LAMA2: variants seen among roughly 807,000 people sequenced by gnomAD.
LAMA2 encodes laminin subunit alpha-2.
In LAMA2, 269 loss-of-function variants were observed where a neutral mutation model predicts 364.8. The ratio of observed to expected loss-of-function variants is 0.74; its 90% CI spans 0.67 to 0.82. The LOEUF (loss-of-function observed/expected upper bound fraction) is 0.82, where lower values mean the gene tolerates loss of function less well. Among genes scored for constraint, LAMA2 ranks in the 40% least tolerant of loss-of-function variants. The probability of loss-of-function intolerance (pLI) is 0.00; values close to 1 mark genes in which losing one functional copy is unlikely to be tolerated. For missense variants in LAMA2, 3,807 were observed against 3,873.2 expected, an observed-to-expected ratio of 0.98 and a Z score of 0.45; for synonymous variants, 1,379 against 1,370.6, an observed-to-expected ratio of 1.01 and a Z score of -0.14.
chr6:129,405,288 TC>T (rs1554290635), intron 40 of LAMA2, among the ~76,000 whole-genome samples: 2 of 152,146 alleles, frequency 1.3e-5, no homozygotes, highest in Non-Finnish European at 1.5e-5. Flanking sequence ...CTGTTCATAA[TC>T]TTTTATACCA....
chr6:129,308,803 C>T (rs1774035692), intron 22 of LAMA2, among the ~76,000 whole-genome samples: 2 of 152,136 alleles, frequency 1.3e-5, no homozygotes, highest in South Asian at 4.1e-4. Flanking sequence ...AGGAAGCTTC[C>T]AGTCATGATG....
At chr6:128,974,811 T>C (rs1344265580) in intron 1 of LAMA2, among the ~76,000 whole-genome samples, 1 of 152,134 alleles carries the variant, frequency 6.6e-6, no homozygotes, top group Non-Finnish European at 1.5e-5. Context: ...ACCAATAAAA[T>C]AGACTTTGTG....
intron 1 of LAMA2, among the ~76,000 whole-genome samples, chr6:129,034,729 A>G (rs999378873): frequency 4.4e-4 from 67 of 151,952 alleles, no homozygotes; most frequent in African/African-American, 1.6e-3. Flanking sequence ...GTCATATTCA[A>G]TTTTCTGCTT....
chr6:129,507,304 G>A (rs1786169140), intron 61 of LAMA2, among the ~76,000 whole-genome samples, 185 bp from the exon 62 acceptor site: 2 of 152,140 alleles, frequency 1.3e-5, no homozygotes, highest in Non-Finnish European at 1.5e-5. Flanking sequence ...GCACAACACA[G>A]GATTTTCTGC....
intron 54 of LAMA2, chr6:129,479,964 C>CCTAA (rs747619876): frequency 5.9e-5 from 9 of 152,146 alleles, no homozygotes; most frequent in South Asian, 2.1e-4. Context: ...ATCTTCAAAG[C>CCTAA]CTAACTCTCA....
At chr6:129,382,188 A>T (rs1370085377) in intron 34 of LAMA2, among the ~76,000 whole-genome samples, 2 of 152,216 alleles carry the variant, frequency 1.3e-5, no homozygotes, top group Admixed American at 6.5e-5. Flanking sequence ...CTAATTCATT[A>T]TCTGTAGTTA....
chr6:129,137,964 T>C (rs936295063), intron 4 of LAMA2, among the ~76,000 whole-genome samples: 5 of 151,980 alleles, frequency 3.3e-5, no homozygotes, highest in South Asian at 2.1e-4. Flanking sequence ...AGACAGTCCA[T>C]GGAGGTATTT....
rs751547531 is a variant in LAMA2 at position 128,883,347 on chromosome 6, T to A, written c.102T>A (p.His34Gln). The A allele has an allele frequency of 2.5e-6, 4 of 1,597,560 alleles. No homozygotes were observed. Among genetic ancestry groups the A allele is most frequent in the Admixed American group, 1.7e-5 (1 of 58,090 alleles). The change falls in exon 1 of 65, where the codon CAT becomes CAA. Residue 34 changes from histidine to glutamine, a missense_variant. This residue lies in a region of LAMA2 where 394 missense variants were observed against 403.5 expected (regional missense o/e 0.98). Coordinates refer to ENST00000421865, the MANE Select transcript of LAMA2 (RefSeq NM_000426.4). The part of the protein sequence containing the change: ...RPQQQRQSQA[H>Q]QQRGLFPAVL... Reference sequence around the variant, plus strand: ...AGCAGCAGCGGCAGTCACAGGCACATCAGCAAAGAGGTACAGTCGAGGCAT... The same window carrying A: ...AGCAGCAGCGGCAGTCACAGGCACAACAGCAAAGAGGTACAGTCGAGGCAT...
chr6:129,289,392 G>A (rs544374616), intron 19 of LAMA2, among the ~76,000 whole-genome samples: 2 of 152,134 alleles, frequency 1.3e-5, no homozygotes, highest in Non-Finnish European at 2.9e-5. Context: ...TTTTCTGTGG[G>A]GACTAAAGGA....
At chr6:129,221,781 ACATAAAAGTGTT>A (rs1187394858) in intron 12 of LAMA2, among the ~76,000 whole-genome samples, 17 of 152,214 alleles carry the variant, frequency 1.1e-4, no homozygotes, top group Admixed American at 2.0e-4. Context: ...CCAGATAAAC[ACATAAAAGTGTT>A]CATAAAAGTA....
At chr6:129,239,776 A>G (rs1257156352) in intron 12 of LAMA2, among the ~76,000 whole-genome samples, 1 of 152,118 alleles carries the variant, frequency 6.6e-6, no homozygotes, top group Non-Finnish European at 1.5e-5. Context: ...TCAGCCTCCC[A>G]AGTAGCTGGA....
chr6:129,335,208 G>A (rs915268700), intron 29 of LAMA2, among the ~76,000 whole-genome samples: 2 of 152,004 alleles, frequency 1.3e-5, no homozygotes, highest in South Asian at 2.1e-4. Context: ...CTGTACATAG[G>A]CATGTTATTA....
At chr6:129,055,863 G>A (rs903243877) in intron 2 of LAMA2, among the ~76,000 whole-genome samples, 1 of 152,196 alleles carries the variant, frequency 6.6e-6, no homozygotes, top group African/African-American at 2.4e-5. Flanking sequence ...TGTTGAGGAT[G>A]TTATACGTTT....
intron 1 of LAMA2, among the ~76,000 whole-genome samples, chr6:129,006,747 A>G (rs1784461112): frequency 6.6e-6 from 1 of 152,054 alleles, no homozygotes; most frequent in Non-Finnish European, 1.5e-5. Context: ...TCGTACTGAA[A>G]CTTGTAATCA....
intron 38 of LAMA2, among the ~76,000 whole-genome samples, chr6:129,401,861 T>C (rs1004402621): frequency 2.0e-5 from 3 of 152,180 alleles, no homozygotes; most frequent in Admixed American, 1.3e-4. Flanking sequence ...AAATAATGAC[T>C]TTAATTCTCT....
chr6:129,370,153 TAGAAA>T (rs1777992519), intron 34 of LAMA2, among the ~76,000 whole-genome samples, 163 bp downstream of exon 34: 1 of 152,214 alleles, frequency 6.6e-6, no homozygotes, highest in Non-Finnish European at 1.5e-5. Flanking sequence ...AATCAAATCA[TAGAAA>T]TCAGTAGCAC....
intron 12 of LAMA2, among the ~76,000 whole-genome samples, chr6:129,245,795 GAA>G (rs1189109959): frequency 3.3e-5 from 5 of 152,034 alleles, no homozygotes; most frequent in African/African-American, 1.2e-4. Flanking sequence ...AACAAACAAA[GAA>G]AATAAGTGTT....
chr6:129,165,639 G>A lies in LAMA2; in HGVS notation c.1270G>A (p.Glu424Lys), dbSNP rs763889172. Residue 424 changes from glutamate (E) to lysine (K), a missense_variant, in exon 9 of 65, where the codon GAA (glutamate) becomes AAA (lysine). By Grantham distance (56) the Glu-to-Lys change is moderately conservative (BLOSUM62 1). Transcript: ENST00000421865. ...TTGCGATCCAATTGGTTCCTTAAATGAAGTCTGTGTCAAGGATGAGAAACA... is the reference window on the plus strand; with the variant it reads ...TTGCGATCCAATTGGTTCCTTAAATAAAGTCTGTGTCAAGGATGAGAAACA... Reference protein sequence around the residue: ...CHCDPIGSLNEVCVKDEKHAR... With the variant: ...CHCDPIGSLNKVCVKDEKHAR... 18 of 1,613,144 alleles carry A rather than the reference G, an allele frequency of 1.1e-5. No homozygotes were observed. Among genetic ancestry groups the A allele is most frequent in the Non-Finnish European group, 1.5e-5 (18 of 1,179,462 alleles).
intron 54 of LAMA2, 66 bp from the exon 55 acceptor site, chr6:129,481,197 G>A: frequency 1.6e-6 from 2 of 1,241,092 alleles, no homozygotes; most frequent in Admixed American, 1.7e-5. Flanking sequence ...GAGGGTGAGT[G>A]AGATGGAGAA....
Sources: gnomAD v4.1 joint callset for allele counts (sites outside exome capture counted in the v4.1 genomes callset) on GRCh38, gnomAD v4.1.1 for gene constraint, gnomAD v4.1.1 regional missense constraint, MANE v1.5 for transcripts, NCBI Gene and HGNC (gene_info 2026-07-23, HGNC 2026-07-21) for gene names.